The following PIKFYVE variants were observed in gnomAD, a reference collection of about 807,000 sequenced individuals.
The protein encoded by PIKFYVE is phosphoinositide kinase, FYVE-type zinc finger containing, also known as 1-phosphatidylinositol 3-phosphate 5-kinase.
In PIKFYVE, 122 loss-of-function variants were observed where a neutral mutation model predicts 257.9. The observed-to-expected ratio is 0.47, with a 90% confidence interval of 0.41 to 0.55. The LOEUF is 0.55. PIKFYVE is among the 20% of genes least tolerant of loss of function. The pLI, the probability that PIKFYVE is intolerant of heterozygous loss-of-function variation, is 0.00. For synonymous variants in PIKFYVE, 892 were observed against 868.9 expected, an observed-to-expected ratio of 1.03 and a Z score of -0.47; for missense variants, 2,160 against 2,536.6, an observed-to-expected ratio of 0.85 and a Z score of 3.19.
Position 208,350,759 on chromosome 2 carries a change from T to G in PIKFYVE, c.5435-12T>G, listed in dbSNP as rs771810830. ...TCATAAAGCTTTTTAAAAAAACTTC[T>G]GTTGTTTATAGAATTTTCAGATGCT... On this transcript the variant is annotated splice_polypyrimidine_tract_variant and intron_variant, in intron 36 of 41. Coordinates refer to ENST00000264380, the MANE Select transcript of PIKFYVE (RefSeq NM_015040.4). The G allele has an allele frequency of 5.0e-6, 8 of 1,613,736 alleles. No homozygotes were observed. The South Asian group carries it at 7.7e-5, about 16-fold the overall frequency.
intron 3 of PIKFYVE, among the ~76,000 whole-genome samples, chr2:208,275,207 A>G (rs1280386255): frequency 6.6e-6 from 1 of 152,232 alleles, no homozygotes; most frequent in Non-Finnish European, 1.5e-5. Flanking sequence ...TTGCAAGAGA[A>G]GCAGCTAAGG....
At chr2:208,315,050 AAG>A in intron 14 of PIKFYVE, 141 bp from the exon 15 acceptor site, 1 of 789,766 alleles carries the variant, frequency 1.3e-6, no homozygotes, top group South Asian at 1.6e-5. Flanking sequence ...GATATAATGA[AAG>A]AATGATATTG....
intron 38 of PIKFYVE, 26 bp from the exon 39 acceptor site, chr2:208,352,628 A>G: frequency 6.2e-7 from 1 of 1,610,704 alleles, no homozygotes; most frequent in Admixed American, 1.7e-5. Context: ...TTTGATAAGA[A>G]TTTATTTTGA....
At chr2:208,266,241 TG>T (rs56889195), upstream of PIKFYVE, 141,535 of 151,408 alleles carry the variant, frequency 0.93, 66,767 homozygotes, top group Non-Finnish European at 1. Flanking sequence ...GGCGGAGTCT[TG>T]GGGGGGGGAA....
chr2:208,323,637 G>T (rs1327864472), intron 17 of PIKFYVE, among the ~76,000 whole-genome samples: 2 of 152,148 alleles, frequency 1.3e-5, no homozygotes, highest in African/African-American at 4.8e-5. Context: ...GTAATGGGAT[G>T]GCTGGGTCAA....
chr2:208,304,101 T>C, intron 10 of PIKFYVE, 70 bp from the exon 11 acceptor site: 1 of 1,516,460 alleles, frequency 6.6e-7, no homozygotes, highest in Non-Finnish European at 9.1e-7. Flanking sequence ...ACAATTTATT[T>C]ATAGTGTGAC....
intron 3 of PIKFYVE, among the ~76,000 whole-genome samples, chr2:208,276,196 G>T (rs868806862): frequency 6.6e-6 from 1 of 152,160 alleles, no homozygotes; most frequent in African/African-American, 2.4e-5. Flanking sequence ...ATCTTTGAAG[G>T]CTGGGCTATT....
chr2:208,328,317 A>G lies in PIKFYVE; in HGVS notation c.3719+37A>G, dbSNP rs757263085. The G allele has an allele frequency of 9.3e-6, 15 of 1,612,778 alleles. 1 individual carries two copies. In the South Asian group the frequency reaches 1.5e-4, roughly 17 times the overall value. On this transcript the variant is annotated intron_variant, in intron 21 of 41. Transcript: ENST00000264380. ...TTCCCCCTACACTATTCCACATAAGAACAGAATTCCAGCAATTAAAAAAAA... is the reference window on the plus strand; with the variant it reads ...TTCCCCCTACACTATTCCACATAAGGACAGAATTCCAGCAATTAAAAAAAA...
At position 208,305,537 on chromosome 2, in the gene PIKFYVE, C is replaced by G. The variant is rs1694220489; in HGVS notation, c.1636+524C>G. On this transcript the variant is annotated intron_variant, in intron 12 of 41. Coordinates refer to ENST00000264380, the MANE Select transcript of PIKFYVE (RefSeq NM_015040.4). ...TCTATATTTATTAAAACAATTTCTTCTCTAATGTAAAATGAATTCATTATT... is the reference window on the plus strand; with the variant it reads ...TCTATATTTATTAAAACAATTTCTTGTCTAATGTAAAATGAATTCATTATT... 3 of 812,366 alleles carry G rather than the reference C, an allele frequency of 3.7e-6. No individual in the cohort carries two copies. In the South Asian group the frequency reaches 1.7e-4, roughly 46 times the overall value. 50.3% of individuals were successfully genotyped at this position (812,366 alleles called of 1,614,324 possible). A position where few individuals can be genotyped will look rare whatever the true frequency, so the allele number is the denominator to read the frequency against.
chr2:208,354,948 A>C (rs1271357405), intron 41 of PIKFYVE, among the ~76,000 whole-genome samples: 1 of 152,214 alleles, frequency 6.6e-6, no homozygotes, highest in Non-Finnish European at 1.5e-5. Context: ...TGTTAGCCTC[A>C]TTTGTGCTCT....
chr2:208,298,045 A>G (rs141193421), intron 7 of PIKFYVE, among the ~76,000 whole-genome samples: 3,411 of 152,262 alleles, frequency 0.022, 59 homozygotes, highest in Middle Eastern at 0.065. Context: ...TTTTTTGGTC[A>G]TAACATTTTG....
At chr2:208,292,073 G>T (rs1692387523) in intron 7 of PIKFYVE, among the ~76,000 whole-genome samples, 1 of 151,844 alleles carries the variant, frequency 6.6e-6, no homozygotes, top group African/African-American at 2.4e-5. Context: ...TTTTACAAGT[G>T]TGTTGTTTCA....
chr2:208,277,761 C>T (rs1690294778), intron 5 of PIKFYVE, 53 bp downstream of exon 5: 1 of 1,569,812 alleles, frequency 6.4e-7, no homozygotes, highest in Admixed American at 1.7e-5. Context: ...AACTATAAGA[C>T]ACTTATAATA....
chr2:208,340,182 A>C (rs1698563656), intron 31 of PIKFYVE, 51 bp downstream of exon 31: 1 of 1,595,060 alleles, frequency 6.3e-7, no homozygotes, highest in Non-Finnish European at 8.6e-7. Context: ...ATTTTTCCTT[A>C]GTTGCTCGCT....
chr2:208,308,933 C>G (rs1270172436), intron 12 of PIKFYVE, among the ~76,000 whole-genome samples: 3 of 152,148 alleles, frequency 2.0e-5, no homozygotes, highest in Non-Finnish European at 2.9e-5. Flanking sequence ...GTCTCTAACT[C>G]CTGATCTCAG....
intron 7 of PIKFYVE, among the ~76,000 whole-genome samples, chr2:208,290,863 C>A (rs529829513): frequency 2.0e-5 from 3 of 152,088 alleles, no homozygotes; most frequent in Non-Finnish European, 4.4e-5. Flanking sequence ...AATCTTGTAT[C>A]CTGCCACCTT....
At chr2:208,350,986 C>T in intron 37 of PIKFYVE, 39 bp downstream of exon 37, 3 of 1,610,146 alleles carry the variant, frequency 1.9e-6, no homozygotes, top group Non-Finnish European at 2.5e-6. Flanking sequence ...GTTCAGTAGT[C>T]TTCATCTCTT....
intron 12 of PIKFYVE, 68 bp downstream of exon 12, chr2:208,305,081 G>A: frequency 3.1e-6 from 5 of 1,604,114 alleles, no homozygotes; most frequent in Non-Finnish European, 4.3e-6. Flanking sequence ...TCTCATGCCA[G>A]CCTGTCCTTC....
chr2:208,285,382 A>C (rs1233181230), intron 5 of PIKFYVE, among the ~76,000 whole-genome samples: 1 of 152,218 alleles, frequency 6.6e-6, no homozygotes, highest in Non-Finnish European at 1.5e-5. Flanking sequence ...GGCGTGAGCC[A>C]CCACGTCTGG....
Sources: allele counts gnomAD v4.1 joint callset (sites outside exome capture counted in the v4.1 genomes callset), GRCh38; gene constraint gnomAD v4.1.1; transcripts MANE v1.5; gene names NCBI Gene and HGNC (gene_info 2026-07-23, HGNC 2026-07-21).